The following RBMS3 variants were observed in gnomAD, a reference collection of about 807,000 sequenced individuals.
RBMS3 encodes RNA-binding motif, single-stranded-interacting protein 3.
Under a neutral mutation model 66.8 loss-of-function variants are expected in RBMS3, and 27 were observed. The observed-to-expected ratio is 0.40, with a 90% CI of 0.30 to 0.56. The LOEUF is 0.56. Ranked by LOEUF, RBMS3 falls within the 20% of genes least tolerant of loss-of-function variation. RBMS3 has a pLI of 0.40. For synonymous variants in RBMS3, 188 were observed against 183.0 expected (o/e 1.03, Z -0.22); for missense variants, 513 against 549.5 (o/e 0.93, Z 0.66).
At chr3:29,936,680 G>A (rs941159124) in intron 11 of RBMS3, among the ~76,000 whole-genome samples, 1 of 151,978 alleles carries the variant, frequency 6.6e-6, no homozygotes, top group East Asian at 1.9e-4. Flanking sequence ...TTTCTGATAT[G>A]TTGATATGGA....
intron 3 of RBMS3, among the ~76,000 whole-genome samples, chr3:29,521,983 G>C (rs995218629): frequency 6.6e-6 from 1 of 152,104 alleles, no homozygotes; most frequent in Non-Finnish European, 1.5e-5. Flanking sequence ...CAGTCAGTTT[G>C]GAATGTTCTT....
chr3:29,908,341 T>G (rs541579113), intron 10 of RBMS3, among the ~76,000 whole-genome samples: 9 of 152,262 alleles, frequency 5.9e-5, no homozygotes, highest in Admixed American at 1.3e-4. Context: ...ATAGTCATGT[T>G]GCTGAATGAT....
At chr3:29,353,843 A>G (rs1322023390) in intron 1 of RBMS3, among the ~76,000 whole-genome samples, 2 of 152,132 alleles carry the variant, frequency 1.3e-5, no homozygotes. Context: ...GCAGTTTCTT[A>G]TTAGCAAAAT....
intron 14 of RBMS3, among the ~76,000 whole-genome samples, chr3:29,996,102 G>T (rs1235773412): frequency 6.6e-5 from 10 of 150,464 alleles, no homozygotes; most frequent in Non-Finnish European, 1.5e-4. Context: ...AACAAAAAAA[G>T]GCAGGGGTTG....
intron 3 of RBMS3, among the ~76,000 whole-genome samples, chr3:29,578,843 G>T (rs182397536): frequency 5.9e-5 from 7 of 118,300 alleles, no homozygotes; most frequent in Non-Finnish European, 9.7e-5. Context: ...CGCCCAGGTC[G>T]GACTGCGGAC....
intron 4 of RBMS3, among the ~76,000 whole-genome samples, chr3:29,632,281 A>G (rs555748295): frequency 1.1e-4 from 16 of 150,672 alleles, no homozygotes; most frequent in African/African-American, 3.9e-4. Flanking sequence ...AAAAATTTTG[A>G]TTTTTATGTA....
chr3:29,893,694 T>A (rs2060056876), intron 8 of RBMS3, among the ~76,000 whole-genome samples: 1 of 151,548 alleles, frequency 6.6e-6, no homozygotes, highest in African/African-American at 2.4e-5. Flanking sequence ...AAGGACTGTC[T>A]TTTTTCTAGT....
intron 12 of RBMS3, among the ~76,000 whole-genome samples, chr3:29,970,053 G>A (rs1697122986): frequency 1.3e-5 from 2 of 152,126 alleles, no homozygotes; most frequent in African/African-American, 2.4e-5. Context: ...TAAAGAGGAT[G>A]TTCGTTTATA....
chr3:29,650,275 CTTTCTT>C (rs1445387367), intron 4 of RBMS3, among the ~76,000 whole-genome samples: 14 of 119,382 alleles, frequency 1.2e-4, no homozygotes, highest in East Asian at 4.2e-4. Context: ...TTACTCCTTT[CTTTCTT>C]TTTTTTTTTT....
At chr3:29,617,689 T>C (rs1259959089) in intron 4 of RBMS3, among the ~76,000 whole-genome samples, 2 of 152,220 alleles carry the variant, frequency 1.3e-5, no homozygotes, top group African/African-American at 2.4e-5. Context: ...ATTTGGGTTT[T>C]GTGTTGTTCA....
intron 6 of RBMS3, among the ~76,000 whole-genome samples, chr3:29,862,556 C>G (rs937279486): frequency 2.0e-5 from 3 of 152,028 alleles, no homozygotes; most frequent in African/African-American, 7.2e-5. Context: ...TAGATAATAT[C>G]ACTCTGAGCT....
intron 2 of RBMS3, among the ~76,000 whole-genome samples, chr3:29,485,963 T>G (rs1209947621): frequency 6.6e-6 from 1 of 152,172 alleles, no homozygotes; most frequent in Non-Finnish European, 1.5e-5. Context: ...AGGCATACTT[T>G]TTTACTTCAG....
At chr3:29,411,444 T>A (rs563987496) in intron 1 of RBMS3, among the ~76,000 whole-genome samples, 1 of 152,212 alleles carries the variant, frequency 6.6e-6, no homozygotes, top group Non-Finnish European at 1.5e-5. Context: ...TTTTGATCAT[T>A]TTGGCACTAA....
At chr3:29,834,752 A>G (rs1361575052) in intron 6 of RBMS3, among the ~76,000 whole-genome samples, 1 of 152,060 alleles carries the variant, frequency 6.6e-6, no homozygotes, top group East Asian at 1.9e-4. Flanking sequence ...ACAGAAAACA[A>G]TTGACAAAAG....
chr3:29,473,899 G>A (rs1467118017), intron 2 of RBMS3, among the ~76,000 whole-genome samples: 4 of 152,250 alleles, frequency 2.6e-5, no homozygotes, highest in Non-Finnish European at 5.9e-5. Context: ...ATACCTCTCT[G>A]CAAGCTGAGG....
chr3:29,961,169 A>C (rs1262352659), intron 12 of RBMS3, among the ~76,000 whole-genome samples: 1 of 152,178 alleles, frequency 6.6e-6, no homozygotes, highest in Non-Finnish European at 1.5e-5. Flanking sequence ...TCTTAAGTTC[A>C]AAGTTCCACA....
chr3:29,692,638 T>C (rs2083305839), intron 4 of RBMS3, among the ~76,000 whole-genome samples: 1 of 152,164 alleles, frequency 6.6e-6, no homozygotes, highest in African/African-American at 2.4e-5. Flanking sequence ...CAGATTCCCT[T>C]TCTATCATTT....
chr3:29,319,941 TAGAA>T (rs111543259), intron 1 of RBMS3, among the ~76,000 whole-genome samples: 22,182 of 151,896 alleles, frequency 0.15, 1,710 homozygotes, highest in Middle Eastern at 0.2. Context: ...AGACACATGG[TAGAA>T]AGAATCTGTT....
Position 29,469,855 on chromosome 3 carries a change from A to T in RBMS3, c.249-18586A>T, listed in dbSNP as rs138352871. Among the ~76,000 whole-genome samples the T allele has an allele frequency of 6.0e-5, 9 of 149,596 alleles. No individual in the cohort carries two copies. The South Asian group carries it at 1.7e-3, about 28-fold the overall frequency. On this transcript the variant is annotated intron_variant, in intron 2 of 14. Coordinates refer to ENST00000383767, the MANE Select transcript of RBMS3 (RefSeq NM_001003793.3). Reference sequence around the variant, plus strand: ...AGCCATGTATTCTTTAAATTCTGTCATGTGTTAATTTTTAATTTTTTACAT... The same window carrying T: ...AGCCATGTATTCTTTAAATTCTGTCTTGTGTTAATTTTTAATTTTTTACAT...
Sources: allele counts gnomAD v4.1 joint callset (sites outside exome capture counted in the v4.1 genomes callset), GRCh38; gene constraint gnomAD v4.1.1; transcripts MANE v1.5; gene names NCBI Gene and HGNC (gene_info 2026-07-23, HGNC 2026-07-21).